KIAA1217: variants seen among roughly 807,000 people sequenced by gnomAD.
The protein encoded by KIAA1217 is sickle tail protein homolog.
KIAA1217 carries 88 observed loss-of-function variants against 163.9 expected under a neutral mutation model. That is an observed-to-expected ratio of 0.54 (90% confidence interval 0.45 to 0.64). The LOEUF (loss-of-function observed/expected upper bound fraction) is 0.64. KIAA1217 is among the 30% of genes least tolerant of loss of function. KIAA1217 has a pLI of 0.00. For missense variants in KIAA1217, 2,372 were observed against 2,475.0 expected, an observed-to-expected ratio of 0.96 and a Z score of 0.88; for synonymous variants, 903 against 923.1, an observed-to-expected ratio of 0.98 and a Z score of 0.39.
chr10:23,974,081 C>T (rs930640372), intron 1 of KIAA1217, among the ~76,000 whole-genome samples: 10 of 152,218 alleles, frequency 6.6e-5, no homozygotes, highest in African/African-American at 2.4e-4. Context: ...CTACCCCAGA[C>T]TGAAAAACAC....
intron 1 of KIAA1217, among the ~76,000 whole-genome samples, chr10:23,721,935 A>G (rs1837890813): frequency 6.6e-6 from 1 of 152,088 alleles, no homozygotes; most frequent in East Asian, 1.9e-4. Context: ...CCTTGTTGCA[A>G]TCCAAGTGTC....
At chr10:23,814,169 G>T (rs186546397) in intron 1 of KIAA1217, among the ~76,000 whole-genome samples, 4 of 152,244 alleles carry the variant, frequency 2.6e-5, no homozygotes, top group South Asian at 2.1e-4. Context: ...ATTTTGCAGG[G>T]CAGGGAGGGG....
intron 2 of KIAA1217, among the ~76,000 whole-genome samples, chr10:24,030,098 A>T (rs1455537260): frequency 6.6e-6 from 1 of 152,208 alleles, no homozygotes; most frequent in Non-Finnish European, 1.5e-5. Context: ...TTCAAGCATC[A>T]ATTACATGAA....
At chr10:24,375,625 A>G (rs556070605) in intron 2 of KIAA1217, among the ~76,000 whole-genome samples, 9 of 152,368 alleles carry the variant, frequency 5.9e-5, no homozygotes, top group Admixed American at 3.9e-4. Context: ...AAAGTGTCTG[A>G]ATGTCATGAT....
At chr10:23,935,705 G>A (rs1440755691) in intron 1 of KIAA1217, among the ~76,000 whole-genome samples, 1 of 152,150 alleles carries the variant, frequency 6.6e-6, no homozygotes, top group African/African-American at 2.4e-5. Context: ...TAAAGTTCCT[G>A]TATAATTAAT....
At chr10:24,207,490 T>A (rs61422983), upstream of KIAA1217, among the ~76,000 whole-genome samples, 76 of 152,334 alleles carry the variant, frequency 5.0e-4, no homozygotes, top group East Asian at 0.015. Context: ...TAGATTCATC[T>A]GGCCTTTGCC....
intron 1 of KIAA1217, among the ~76,000 whole-genome samples, chr10:23,903,328 T>G (rs1001277340): frequency 1.3e-5 from 2 of 152,084 alleles, no homozygotes; most frequent in African/African-American, 2.4e-5. Context: ...AGAGTAAAAT[T>G]TTTCTCACTA....
Position 23,937,483 on chromosome 10 carries a change from T to C in KIAA1217, c.-320-69742T>C, listed in dbSNP as rs553731058. ...CCAGATTCTGTCCTCTGTCACGATA[T>C]ACATCCGGCAGTACTGTCCCAATTC... On this transcript the variant is annotated intron_variant, in intron 1 of 18. Coordinates refer to the KIAA1217 transcript ENST00000376462. 4.6e-5 allele frequency among the ~76,000 whole-genome samples: 7 copies of C among 152,286 alleles called. No individual in the cohort carries two copies. The South Asian group carries it at 1.5e-3, about 32-fold the overall frequency.
intron 1 of KIAA1217, among the ~76,000 whole-genome samples, chr10:23,825,554 A>G (rs1202380699): frequency 6.6e-6 from 1 of 152,232 alleles, no homozygotes; most frequent in Non-Finnish European, 1.5e-5. Context: ...TAAACCACAT[A>G]CAGTGCTCTT....
chr10:23,818,755 G>A (rs564821711), intron 1 of KIAA1217, among the ~76,000 whole-genome samples: 1 of 152,264 alleles, frequency 6.6e-6, no homozygotes, highest in African/African-American at 2.4e-5. Flanking sequence ...TTAAGGAAGT[G>A]GGAAGGGTTG....
chr10:23,938,494 G>A (rs968574173), intron 1 of KIAA1217, among the ~76,000 whole-genome samples: 1 of 150,446 alleles, frequency 6.6e-6, no homozygotes, highest in African/African-American at 2.4e-5. Flanking sequence ...CAAAAATATT[G>A]AAAAATTTAA....
chr10:24,046,163 A>G (rs2131569805), intron 2 of KIAA1217, among the ~76,000 whole-genome samples: 1 of 152,090 alleles, frequency 6.6e-6, no homozygotes, highest in South Asian at 2.1e-4. Context: ...CTTTCTTTAG[A>G]AGAGGATATA....
intron 2 of KIAA1217, among the ~76,000 whole-genome samples, chr10:24,182,529 GT>G (rs1168610294): frequency 6.6e-6 from 1 of 151,146 alleles, no homozygotes; most frequent in African/African-American, 2.4e-5. Flanking sequence ...TCTTCATTTT[GT>G]TTTGTTATGA....
chr10:24,420,795 G>T (rs773502907), intron 3 of KIAA1217, among the ~76,000 whole-genome samples: 6 of 152,112 alleles, frequency 3.9e-5, no homozygotes, highest in South Asian at 2.1e-4. Flanking sequence ...CTATGGGTTT[G>T]TATGACCTCT....
chr10:23,774,594 C>T (rs1477882800), intron 1 of KIAA1217, among the ~76,000 whole-genome samples: 2 of 152,168 alleles, frequency 1.3e-5, no homozygotes, highest in Non-Finnish European at 2.9e-5. Context: ...TGAGCATCTC[C>T]AGGCTCGAAT....
chr10:23,914,315 G>A (rs1842555122), intron 1 of KIAA1217, among the ~76,000 whole-genome samples: 1 of 152,048 alleles, frequency 6.6e-6, no homozygotes, highest in Non-Finnish European at 1.5e-5. Context: ...CTTGACATTG[G>A]TTTAGAATAC....
intron 2 of KIAA1217, among the ~76,000 whole-genome samples, chr10:24,202,414 G>A (rs1246466336): frequency 6.6e-6 from 1 of 152,086 alleles, no homozygotes; most frequent in African/African-American, 2.4e-5. Context: ...AACTCCCTGG[G>A]CACAGGCAAT....
intron 2 of KIAA1217, among the ~76,000 whole-genome samples, chr10:24,313,414 G>A (rs557071603): frequency 7.9e-5 from 12 of 152,286 alleles, no homozygotes; most frequent in African/African-American, 2.9e-4. Flanking sequence ...TGAGCAGCCG[G>A]GCTGTGTTCA....
At chr10:24,407,283 TGTGC>T (rs1348899087) in intron 3 of KIAA1217, among the ~76,000 whole-genome samples, 2 of 144,084 alleles carry the variant, frequency 1.4e-5, no homozygotes, top group East Asian at 2.0e-4. Context: ...TGTGTGTGTG[TGTGC>T]GTGCGTGTGC....
Sources: gnomAD v4.1 joint callset for allele counts (sites outside exome capture counted in the v4.1 genomes callset) on GRCh38, gnomAD v4.1.1 for gene constraint, MANE v1.5 for transcripts, NCBI Gene and HGNC (gene_info 2026-07-23, HGNC 2026-07-21) for gene names.